The following PAPLN variants were observed in gnomAD, a reference collection of about 807,000 sequenced individuals.
The protein encoded by PAPLN is papilin, proteoglycan like sulfated glycoprotein.
Under a neutral mutation model 159.0 loss-of-function variants are expected in PAPLN, and 146 were observed. The ratio of observed to expected loss-of-function variants is 0.92; its 90% CI spans 0.80 to 1.05. The LOEUF (loss-of-function observed/expected upper bound fraction) is 1.05, where lower values mean the gene tolerates loss of function less well. PAPLN is among the 50% of genes least tolerant of loss of function. PAPLN has a pLI of 0.00. For synonymous variants in PAPLN, 734 were observed against 702.9 expected (o/e 1.04, Z -0.70); for missense variants, 1,720 against 1,743.9 (o/e 0.99, Z 0.24).
chr14:73,259,245 G>A (rs1886279474), intron 15 of PAPLN, 24 bp from the exon 16 acceptor site: 1 of 1,536,612 alleles, frequency 6.5e-7, no homozygotes, highest in Non-Finnish European at 8.8e-7. Flanking sequence ...GACGCACTGT[G>A]TGTCTTTTGC....
chr14:73,249,573 C>A (rs772047961), intron 5 of PAPLN, among the ~76,000 whole-genome samples: 1 of 149,502 alleles, frequency 6.7e-6, no homozygotes, highest in African/African-American at 2.5e-5. Context: ...ACTAGGGGGG[C>A]TGAGGCAGGA....
At chr14:73,253,194 C>A (rs745392787) in intron 11 of PAPLN, 1 of 1,361,510 alleles carries the variant, frequency 7.3e-7, no homozygotes, top group Non-Finnish European at 9.7e-7. Context: ...GAGCGTGGCG[C>A]CTTGCTGGGG....
At position 73,272,781 on chromosome 14, in the gene PAPLN, T is replaced by A. The variant is rs935793093; in HGVS notation, c.*117T>A. 5.0e-6 allele frequency: 6 copies of A among 1,195,512 alleles called. No individual in the cohort carries two copies. The highest frequency in any genetic ancestry group is 6.6e-6 in the Non-Finnish European group (6 of 909,088). The allele number at this position is 1,195,512 out of a possible 1,614,324, so 74.1% of individuals were successfully genotyped here. ...AAAGGGAGTTATCTTCTGGAATACATTAGCTCTTTCAAAAACCCACCCAGT... is the reference window on the plus strand; with the variant it reads ...AAAGGGAGTTATCTTCTGGAATACAATAGCTCTTTCAAAAACCCACCCAGT... On this transcript the variant is annotated 3_prime_UTR_variant, in exon 27 of 27. Transcript: ENST00000644200.
chr14:73,264,541 C>T, intron 21 of PAPLN, 47 bp from the exon 22 acceptor site: 1 of 1,568,220 alleles, frequency 6.4e-7, no homozygotes, highest in South Asian at 1.2e-5. Flanking sequence ...TCCTTCCACT[C>T]CCTTTTCCTC....
chr14:73,250,767 C>T (rs45445296), intron 6 of PAPLN, 140 bp from the exon 7 acceptor site: 203,885 of 1,043,616 alleles, frequency 0.2, 20,648 homozygotes, highest in Middle Eastern at 0.26. Context: ...ACAGGCCAGT[C>T]CCCTGGCTGG....
At position 73,274,036 on chromosome 14, in the gene PAPLN, GTACA is replaced by G. The variant is rs1887955942; in HGVS notation, c.*1373_*1376del. On this transcript the variant is annotated 3_prime_UTR_variant, in exon 27 of 27. Transcript: ENST00000644200. ...TGTGTAAAGCTGACCAGCCTGCTCTGTACAGTGACAATGAGGAGCCCCTCTCTTC... is the reference window on the plus strand; with the variant it reads ...TGTGTAAAGCTGACCAGCCTGCTCTGGTGACAATGAGGAGCCCCTCTCTTC... The G allele has an allele frequency of 1.3e-5, 2 of 152,314 alleles. No homozygotes were observed. The highest frequency in any genetic ancestry group is 4.1e-4 in the South Asian group (2 of 4,824). The allele number at this position is 152,314 out of a possible 1,614,324, so 9.4% of individuals were successfully genotyped here.
At chr14:73,269,244 C>A (rs555443597) in intron 26 of PAPLN, among the ~76,000 whole-genome samples, 33 of 151,928 alleles carry the variant, frequency 2.2e-4, no homozygotes, top group African/African-American at 7.0e-4. Flanking sequence ...ACCGGTCACA[C>A]CGCAAATGTG....
At chr14:73,247,523 T>C (rs192598778) in intron 5 of PAPLN, among the ~76,000 whole-genome samples, 2 of 150,160 alleles carry the variant, frequency 1.3e-5, no homozygotes, top group East Asian at 3.9e-4. Context: ...CCTGTGTATG[T>C]GTGTGTGTGT....
At chr14:73,244,574 C>A (rs1883973785) in intron 2 of PAPLN, 70 bp from the exon 3 acceptor site, 24 of 1,314,014 alleles carry the variant, frequency 1.8e-5, no homozygotes, top group Non-Finnish European at 2.5e-5. Context: ...TTAGGCAGAG[C>A]ATCTTTGGAG....
chr14:73,248,346 G>A (rs1884853075), intron 5 of PAPLN, among the ~76,000 whole-genome samples: 1 of 151,898 alleles, frequency 6.6e-6, no homozygotes, highest in South Asian at 2.1e-4. Flanking sequence ...ATCCTGAAGT[G>A]GACACATGTC....
chr14:73,268,819 G>A (rs1264077093), intron 26 of PAPLN, 96 bp downstream of exon 26: 1 of 1,374,240 alleles, frequency 7.3e-7, no homozygotes, highest in Non-Finnish European at 9.6e-7. Flanking sequence ...ACTCTGGTTT[G>A]AATCCTGGCT....
intron 12 of PAPLN, among the ~76,000 whole-genome samples, chr14:73,254,171 A>AGGAAAGGCCT (rs1885624510): frequency 6.6e-6 from 1 of 152,186 alleles, no homozygotes. Context: ...ATCCCAGGGC[A>AGGAAAGGCCT]GGGCAGGAAA....
chr14:73,265,402 T>C lies in PAPLN; in HGVS notation c.3158T>C (p.Val1053Ala). The C allele has an allele frequency of 6.2e-7, 1 of 1,611,840 alleles. No homozygotes were observed. Among genetic ancestry groups the C allele is most frequent in the Non-Finnish European group, 8.5e-7 (1 of 1,179,972 alleles). The change falls in exon 23 of 27, where the codon GTG (valine) becomes GCG (alanine). Residue 1053 changes from valine to alanine, a missense_variant. By Grantham distance (64) the Val-to-Ala change is moderately conservative. Transcript: ENST00000644200. The surrounding 1 kb of genome is among the most constrained non-coding windows in gnomAD (Gnocchi z 4.1). ...LRLDQNQPRV[V>A]DASPGQRIRM... ...TTGGACCAGAACCAGCCCCGGGTGG[T>C]GGATGCCAGTCCAGGCCAGCGGATC...
At chr14:73,262,326 TTA>T in intron 18 of PAPLN, 22 bp from the exon 19 acceptor site, 1 of 1,586,410 alleles carries the variant, frequency 6.3e-7, no homozygotes, top group Non-Finnish European at 8.6e-7. Flanking sequence ...CCTCAGTGAC[TTA>T]TATCACACCC....
rs764959054 is a variant in PAPLN, at chr14:73,254,653, C to G, written c.1443C>G (p.Pro481=). Residue 481 remains proline (P), a synonymous_variant, in exon 13 of 27, where the codon CCC becomes CCG. Transcript: ENST00000644200. ...AGCCCTGTGTGCATGAGGACTGCCC[C>G]CTCCTCAGTGACCAGGCCTGGCATG... ...LTEPCVHEDC[P]LLSDQAWHVG... is the part of the protein sequence containing the mutation. 6.2e-7 allele frequency: 1 copy of G among 1,614,020 alleles called. No homozygotes were observed. Among genetic ancestry groups the G allele is most frequent in the Admixed American group, 1.7e-5 (1 of 60,008 alleles).
intron 19 of PAPLN, 182 bp from the exon 20 acceptor site, chr14:73,263,463 G>A: frequency 1.4e-6 from 1 of 715,324 alleles, no homozygotes; most frequent in Non-Finnish European, 2.3e-6. Flanking sequence ...GGGGCAGGTT[G>A]GGGAGGGTAG....
rs370833429 is a variant in PAPLN at position 73,272,481 on chromosome 14, C to T, written c.3668-14C>T. ...GCTTCCTCACCACCTTCTCTCTCCCCTGTCGTTCTGCAGCACCCACCGCCC... is the reference window on the plus strand; with the variant it reads ...GCTTCCTCACCACCTTCTCTCTCCCTTGTCGTTCTGCAGCACCCACCGCCC... On this transcript the variant is annotated splice_polypyrimidine_tract_variant and intron_variant, in intron 26 of 26. Coordinates refer to ENST00000644200, the MANE Select transcript of PAPLN (RefSeq NM_001365906.3). The T allele has an allele frequency of 6.7e-7, 1 of 1,502,762 alleles. No homozygotes were observed. Among genetic ancestry groups the T allele is most frequent in the Non-Finnish European group, 9.0e-7 (1 of 1,114,640 alleles). 93.1% of individuals were successfully genotyped at this position (1,502,762 alleles called of 1,614,324 possible). A position where few individuals can be genotyped will look rare whatever the true frequency, so the allele number is the denominator to read the frequency against.
intron 18 of PAPLN, chr14:73,262,091 C>T: frequency 2.3e-6 from 1 of 438,680 alleles, no homozygotes; most frequent in Non-Finnish European, 4.0e-6. Context: ...GCCCAGGGAG[C>T]CCTGGCCCTG....
intron 11 of PAPLN, 54 bp from the exon 12 acceptor site, chr14:73,253,695 AGGGCT>A: frequency 6.8e-7 from 1 of 1,470,832 alleles, no homozygotes; most frequent in Non-Finnish European, 9.2e-7. Flanking sequence ...AGAAACCCTC[AGGGCT>A]GGGTTTCTGC....
Sources: gnomAD v4.1 joint callset for allele counts (sites outside exome capture counted in the v4.1 genomes callset) on GRCh38, gnomAD v4.1.1 for gene constraint, Gnocchi (gnomAD v3.1) non-coding constraint, MANE v1.5 for transcripts, NCBI Gene and HGNC (gene_info 2026-07-23, HGNC 2026-07-21) for gene names.